The following PCBP3 variants were observed in gnomAD, a reference collection of about 807,000 sequenced individuals.
PCBP3 encodes the protein poly(rC)-binding protein 3.
Under a neutral mutation model 52.7 loss-of-function variants are expected in PCBP3, and 25 were observed. The ratio of observed to expected loss-of-function variants is 0.47; its 90% CI spans 0.35 to 0.66. PCBP3 has a LOEUF of 0.66. PCBP3 is among the 30% of genes least tolerant of loss of function. The pLI is 0.01. For synonymous variants in PCBP3, 162 were observed against 183.0 expected (o/e 0.89, Z 0.93); for missense variants, 391 against 490.3 (o/e 0.80, Z 1.91).
At chr21:45,909,109 G>A (rs151099076) in intron 9 of PCBP3, among the ~76,000 whole-genome samples, 195 of 152,026 alleles carry the variant, frequency 1.3e-3, no homozygotes, top group Middle Eastern at 3.4e-3. Flanking sequence ...GGCCAGACCC[G>A]CCCCAACCCC....
intron 3 of PCBP3, among the ~76,000 whole-genome samples, chr21:45,747,017 G>A (rs537059269): frequency 6.6e-6 from 1 of 152,138 alleles, no homozygotes; most frequent in African/African-American, 2.4e-5. Flanking sequence ...GCATCGCTGT[G>A]TCAGTCCATT....
At chr21:45,722,120 G>A (rs1192881881) in intron 2 of PCBP3, among the ~76,000 whole-genome samples, 1 of 152,090 alleles carries the variant, frequency 6.6e-6, no homozygotes, top group Non-Finnish European at 1.5e-5. Flanking sequence ...CAGTAATAAA[G>A]GATTTAGTAA....
intron 1 of PCBP3, among the ~76,000 whole-genome samples, chr21:45,657,448 C>G (rs1486884790): frequency 1.3e-5 from 2 of 152,126 alleles, no homozygotes; most frequent in African/African-American, 4.8e-5. Context: ...TGTCAAAACT[C>G]AGTTGACCAT....
chr21:45,688,103 A>G (rs982102654), intron 2 of PCBP3, among the ~76,000 whole-genome samples: 7 of 152,204 alleles, frequency 4.6e-5, no homozygotes, highest in African/African-American at 1.7e-4. Flanking sequence ...GTACCCAAAA[A>G]CAAGTTTTAA....
chr21:45,861,458 C>CA (rs1013846443), intron 5 of PCBP3, among the ~76,000 whole-genome samples: 3 of 152,238 alleles, frequency 2.0e-5, no homozygotes, highest in African/African-American at 7.2e-5. Flanking sequence ...CCAGCCCCAC[C>CA]ACCCAAGCTT....
intron 1 of PCBP3, among the ~76,000 whole-genome samples, chr21:45,653,937 A>T (rs1046831523): frequency 1.3e-5 from 2 of 152,154 alleles, no homozygotes; most frequent in Non-Finnish European, 2.9e-5. Flanking sequence ...AATTGTTACT[A>T]ACTTATCCAG....
chr21:45,737,981 C>G lies in PCBP3; in HGVS notation c.-162+2552C>G, dbSNP rs145774535. ...ACTCTTCCCCCTTCCTGAGAGAGAG[C>G]GATGAATGTAGGCCTCCATGGAGAA... is the stretch of plus-strand genomic sequence containing the variant. On this transcript the variant is annotated intron_variant, in intron 3 of 17. Transcript: ENST00000681687. This position sits in a 1 kb window ranked among gnomAD's most constrained non-coding sequence, Gnocchi z 4.9. 2.9e-4 allele frequency among the ~76,000 whole-genome samples: 44 copies of G among 152,096 alleles called. 1 individual carries two copies. Among genetic ancestry groups the G allele is most frequent in the Admixed American group, 2.3e-3 (35 of 15,272 alleles).
At chr21:45,761,781 G>C (rs936507395) in intron 4 of PCBP3, 4 of 152,404 alleles carry the variant, frequency 2.6e-5, no homozygotes, top group African/African-American at 9.7e-5. Context: ...AGGGTGCAGT[G>C]ACTGCCTGAG....
In PCBP3 at chr21:45,853,875, G is replaced by A. The variant is rs1419384902; in HGVS notation, c.10+3780G>A. The A allele has an allele frequency of 6.6e-6, 1 of 152,308 alleles. No homozygotes were observed. The highest frequency in any genetic ancestry group is 1.5e-5 in the Non-Finnish European group (1 of 68,114). The allele number at this position is 152,308 out of a possible 1,614,324, so 9.4% of individuals were successfully genotyped here. ...TGGCAGGTGGTGGTGATAAGGGCCG[G>A]TGAGAATAAAAAGGAGCCGATGGTA... On this transcript the variant is annotated intron_variant, in intron 5 of 17. Transcript: ENST00000681687. The surrounding 1 kb of genome is among the most constrained non-coding windows in gnomAD (Gnocchi z 4.6).
At chr21:45,919,853 G>A (rs909075277) in intron 13 of PCBP3, among the ~76,000 whole-genome samples, 6 of 150,800 alleles carry the variant, frequency 4.0e-5, no homozygotes, top group Non-Finnish European at 5.9e-5. Flanking sequence ...GCGCGTGCGC[G>A]TCCCCGTGCA....
rs558516319 is a variant in PCBP3, at chr21:45,738,422, T to G, written c.-162+2993T>G. On this transcript the variant is annotated intron_variant, in intron 3 of 17. Transcript: ENST00000681687. The stretch of plus-strand genomic sequence containing the variant: ...GACGCCCGCCACCACGCCCAGCTAA[T>G]TTTTTGTATTCTTAGTAGAGACGGG... 4.6e-5 allele frequency among the ~76,000 whole-genome samples: 7 copies of G among 152,088 alleles called. No individual in the cohort carries two copies. The East Asian group carries it at 1.2e-3, about 25-fold the overall frequency.
intron 1 of PCBP3, among the ~76,000 whole-genome samples, chr21:45,658,175 T>C (rs1356289835): frequency 9.9e-5 from 15 of 152,238 alleles, no homozygotes; most frequent in Admixed American, 9.8e-4. Context: ...TTGTCCTTTA[T>C]TATATTAATG....
At chr21:45,717,153 A>G (rs1289923664) in intron 2 of PCBP3, among the ~76,000 whole-genome samples, 2 of 151,940 alleles carry the variant, frequency 1.3e-5, no homozygotes, top group Non-Finnish European at 2.9e-5. Context: ...TGGATTGTTC[A>G]TTGCTAGTGT....
intron 4 of PCBP3, among the ~76,000 whole-genome samples, chr21:45,815,573 G>GA (rs2092898086): frequency 1.0e-5 from 1 of 99,108 alleles, no homozygotes. Context: ...GTGAGTGAGT[G>GA]GTGAGTGGTG....
rs1035935448 is a variant in PCBP3, at chr21:45,941,937, C to A, written c.*231C>A. ...TCAGTGTTATTTTATTTATGACTTACGCTCCCGTCTGCCCATGCACCGGCA... is the reference window on the plus strand; with the variant it reads ...TCAGTGTTATTTTATTTATGACTTAAGCTCCCGTCTGCCCATGCACCGGCA... On this transcript the variant is annotated 3_prime_UTR_variant, in exon 18 of 18. Coordinates refer to ENST00000681687, the MANE Select transcript of PCBP3 (RefSeq NM_001384156.1). 4 of 423,620 alleles carry A rather than the reference C, an allele frequency of 9.4e-6. No homozygotes were observed. Among genetic ancestry groups the A allele is most frequent in the Non-Finnish European group, 1.2e-5 (3 of 240,984 alleles). 26.2% of individuals were successfully genotyped at this position (423,620 alleles called of 1,614,324 possible).
chr21:45,754,467 G>A (rs534292096), intron 3 of PCBP3, among the ~76,000 whole-genome samples: 1 of 152,132 alleles, frequency 6.6e-6, no homozygotes, highest in Non-Finnish European at 1.5e-5. Flanking sequence ...AAATCTGCTG[G>A]TGTGTCTATT....
At position 45,817,521 on chromosome 21, in the gene PCBP3, G is replaced by T. The variant is rs532300617; in HGVS notation, c.-125-32440G>T. ...CCCCATCTCCCATATTCCAGCTGCT[G>T]CCGCAGCCCCCATGCTTGCCTTTTG... On this transcript the variant is annotated intron_variant, in intron 4 of 17. Transcript: ENST00000681687. The surrounding 1 kb of genome is among the most constrained non-coding windows in gnomAD (Gnocchi z 4.3). Among the ~76,000 whole-genome samples, 1 of 152,214 alleles carries T rather than the reference G, an allele frequency of 6.6e-6. No individual in the cohort carries two copies. Among genetic ancestry groups the T allele is most frequent in the South Asian group, 2.1e-4 (1 of 4,830 alleles).
At position 45,898,562 on chromosome 21, in the gene PCBP3, TACACG is replaced by T. The variant is rs1603477678; in HGVS notation, c.166-1036_166-1032del. Among the ~76,000 whole-genome samples, 180 of 108,802 alleles carry T rather than the reference TACACG, an allele frequency of 1.7e-3. 27 individuals are homozygous for T. The highest frequency in any genetic ancestry group is 6.8e-3 in the East Asian group (15 of 2,204). The allele number at this position is 108,802 out of a possible 152,430, so 71.4% of individuals were successfully genotyped here. ...ACACACTGTCCTCCCAGCCTCCCTC[TACACG>T]CCATCCTCACAGCCTCCCTCTCCCT... On this transcript the variant is annotated intron_variant, in intron 6 of 17. Coordinates refer to ENST00000681687, the MANE Select transcript of PCBP3 (RefSeq NM_001384156.1).
In PCBP3 at chr21:45,935,249, C is replaced by T. The variant is rs1304895758; in HGVS notation, c.857-4C>T. 2.5e-6 allele frequency: 4 copies of T among 1,609,698 alleles called. No individual in the cohort carries two copies. In the African/African-American group the frequency reaches 4.0e-5, roughly 16 times the overall value. ...GCCTAACCATGTCCCCTTGGTATAC[C>T]CAGGTCTGGACGCCAGCCCACCGGC... On this transcript the variant is annotated splice_region_variant and splice_polypyrimidine_tract_variant and intron_variant, in intron 15 of 17. Transcript: ENST00000681687.
Sources: gnomAD v4.1 joint callset for allele counts (sites outside exome capture counted in the v4.1 genomes callset) on GRCh38, gnomAD v4.1.1 for gene constraint, Gnocchi (gnomAD v3.1) non-coding constraint, MANE v1.5 for transcripts, NCBI Gene and HGNC (gene_info 2026-07-23, HGNC 2026-07-21) for gene names.